CALD1: variants seen among roughly 807,000 people sequenced by gnomAD.
The protein encoded by CALD1 is caldesmon 1, also known as caldesmon.
CALD1 carries 33 observed loss-of-function variants against 99.9 expected under a neutral mutation model. That is an observed-to-expected ratio of 0.33 (90% CI 0.25 to 0.44). The LOEUF (loss-of-function observed/expected upper bound fraction) is 0.44. Ranked by LOEUF, CALD1 falls within the 20% of genes least tolerant of loss-of-function variation. The pLI is 1.00. For missense variants in CALD1, 861 were observed against 962.1 expected (o/e 0.89, Z 1.39); for synonymous variants, 310 against 325.0 (o/e 0.95, Z 0.50).
At chr7:134,909,216 T>A (rs1044778436) in intron 3 of CALD1, among the ~76,000 whole-genome samples, 1 of 152,150 alleles carries the variant, frequency 6.6e-6, no homozygotes, top group Non-Finnish European at 1.5e-5. Context: ...TTAAAAAAAA[T>A]TTTCAGATTA....
chr7:134,761,219 C>T (rs1254216245), intron 1 of CALD1, among the ~76,000 whole-genome samples: 1 of 152,158 alleles, frequency 6.6e-6, no homozygotes. Context: ...TTTTACTTCT[C>T]CCTAACCCCA....
intron 1 of CALD1, among the ~76,000 whole-genome samples, chr7:134,825,851 C>T (rs1347283394): frequency 6.6e-6 from 1 of 152,000 alleles, no homozygotes; most frequent in Non-Finnish European, 1.5e-5. Context: ...ACAGACTGAC[C>T]AGAGGAGCCC....
At chr7:134,957,776 G>A (rs1345791293) in intron 9 of CALD1, among the ~76,000 whole-genome samples, 1 of 151,808 alleles carries the variant, frequency 6.6e-6, no homozygotes, top group East Asian at 1.9e-4. Context: ...TTGTTTTAGA[G>A]GCATTTTTAT....
chr7:134,932,908 C>A, intron 4 of CALD1, 80 bp from the exon 5 acceptor site: 1 of 961,968 alleles, frequency 1.0e-6, no homozygotes, highest in Non-Finnish European at 1.6e-6. Context: ...TGCTGTAGTC[C>A]TGGGTAGCAC....
At chr7:134,833,556 C>A (rs1267189719) in intron 1 of CALD1, among the ~76,000 whole-genome samples, 1 of 152,058 alleles carries the variant, frequency 6.6e-6, no homozygotes, top group African/African-American at 2.4e-5. Context: ...TCAGTGTAGC[C>A]CTGGGAAGAA....
chr7:134,836,641 T>A (rs566223261), intron 1 of CALD1, among the ~76,000 whole-genome samples: 1 of 152,318 alleles, frequency 6.6e-6, no homozygotes, highest in East Asian at 1.9e-4. Flanking sequence ...TTTCTCAGTG[T>A]CTCTCATGCC....
chr7:134,878,611 C>T (rs1033162834), intron 3 of CALD1, among the ~76,000 whole-genome samples: 8 of 152,010 alleles, frequency 5.3e-5, no homozygotes, highest in Admixed American at 1.3e-4. Flanking sequence ...CGTTCTTATG[C>T]TGTCTAAAGC....
At chr7:134,879,761 T>G (rs749903637) in intron 3 of CALD1, among the ~76,000 whole-genome samples, 4 of 152,214 alleles carry the variant, frequency 2.6e-5, no homozygotes, top group Admixed American at 1.3e-4. Context: ...ATTTTATAAT[T>G]TTTACTGGGC....
At chr7:134,960,270 T>A in intron 12 of CALD1, 159 bp downstream of exon 12, 1 of 858,272 alleles carries the variant, frequency 1.2e-6, no homozygotes, top group Admixed American at 2.5e-5. Flanking sequence ...AGAGAGAATG[T>A]GTTTGTGAGG....
chr7:134,928,851 GAATCCTT>G lies in CALD1; in HGVS notation c.170_176del (p.Glu57GlyfsTer4). 1 of 1,614,024 alleles carries G rather than the reference GAATCCTT, an allele frequency of 6.2e-7. No individual in the cohort carries two copies. Among genetic ancestry groups the G allele is most frequent in the Non-Finnish European group, 8.5e-7 (1 of 1,179,948 alleles). On this transcript the variant is annotated frameshift_variant, in exon 4 of 15. Transcript: ENST00000361675. LOFTEE classifies it high-confidence loss of function. ...ACGGCTGCGGCAGAAGCAGGAGGAA[GAATCCTT>G]GGGACAGGTGACCGACCAGGTGGAG...
At chr7:134,888,208 A>C (rs1801972172) in intron 3 of CALD1, among the ~76,000 whole-genome samples, 1 of 152,262 alleles carries the variant, frequency 6.6e-6, no homozygotes, top group East Asian at 1.9e-4. Flanking sequence ...AACAAAGGAT[A>C]CTATGAGTAA....
chr7:134,934,283 C>G (rs1204295822), intron 5 of CALD1, among the ~76,000 whole-genome samples: 1 of 152,082 alleles, frequency 6.6e-6, no homozygotes, highest in African/African-American at 2.4e-5. Flanking sequence ...TTTACTGGGA[C>G]AGCCAGTAAA....
chr7:134,821,961 A>G (rs1798802506), intron 1 of CALD1: 1 of 152,162 alleles, frequency 6.6e-6, no homozygotes, highest in South Asian at 2.1e-4. Context: ...ATTTCTATCT[A>G]TGATTTCCTT....
chr7:134,828,260 G>A lies in CALD1; in HGVS notation c.-129-15624G>A, dbSNP rs528482933. On this transcript the variant is annotated intron_variant, in intron 1 of 14. Transcript: ENST00000361675. Reference sequence around the variant, plus strand: ...TTTTCTTGAGAGCATTTTCTCACTGGTTTAAAAGCAATAGAGACAAATGTG... The same window carrying A: ...TTTTCTTGAGAGCATTTTCTCACTGATTTAAAAGCAATAGAGACAAATGTG... Among the ~76,000 whole-genome samples the A allele has an allele frequency of 5.9e-5, 9 of 152,278 alleles. No individual in the cohort carries two copies. The South Asian group carries it at 1.2e-3, about 21-fold the overall frequency.
the CALD1 span, among the ~76,000 whole-genome samples, chr7:134,737,386 C>T: frequency 6.6e-6 from 1 of 152,208 alleles, no homozygotes; most frequent in South Asian, 2.1e-4. Context: ...ACCTTGGCTT[C>T]CCAAAGTACT....
chr7:134,853,496 TC>T (rs139014335), intron 2 of CALD1, among the ~76,000 whole-genome samples: 1,841 of 152,300 alleles, frequency 0.012, 35 homozygotes, highest in African/African-American at 0.041. Context: ...ATTAGATCGT[TC>T]CTGTAGTTCT....
At chr7:134,834,437 CT>C (rs1415060333) in intron 1 of CALD1, among the ~76,000 whole-genome samples, 1 of 152,234 alleles carries the variant, frequency 6.6e-6, no homozygotes, top group Admixed American at 6.5e-5. Flanking sequence ...GCTAAATGGA[CT>C]TAGTTGTTAA....
the CALD1 span, among the ~76,000 whole-genome samples, chr7:134,738,221 G>A: frequency 1.3e-5 from 2 of 152,160 alleles, no homozygotes; most frequent in African/African-American, 2.4e-5. Context: ...AATTCTGCGG[G>A]AAATGGAGAA....
chr7:134,864,824 G>A (rs1341148090), intron 2 of CALD1, among the ~76,000 whole-genome samples: 1 of 152,152 alleles, frequency 6.6e-6, no homozygotes, highest in Non-Finnish European at 1.5e-5. Context: ...AATGACATCT[G>A]CCTCTGTTAA....
Sources: gnomAD v4.1 joint callset for allele counts (sites outside exome capture counted in the v4.1 genomes callset) on GRCh38, gnomAD v4.1.1 for gene constraint, MANE v1.5 for transcripts, NCBI Gene and HGNC (gene_info 2026-07-23, HGNC 2026-07-21) for gene names.